ZNF714: variants seen among roughly 807,000 people sequenced by gnomAD.
ZNF714 encodes zinc finger protein 714.
In ZNF714, 32 loss-of-function variants were observed where a neutral mutation model predicts 46.2. The ratio of observed to expected loss-of-function variants is 0.69; its 90% CI spans 0.52 to 0.93. The LOEUF is 0.93. Among genes scored for constraint, ZNF714 ranks in the 40% least tolerant of loss-of-function variants. The pLI, the probability that ZNF714 is intolerant of heterozygous loss-of-function variation, is 0.00. For synonymous variants in ZNF714, 199 were observed against 213.1 expected, an observed-to-expected ratio of 0.93 and a Z score of 0.58; for missense variants, 635 against 646.3, an observed-to-expected ratio of 0.98 and a Z score of 0.19.
rs1789834402 is a variant in ZNF714 at position 21,101,538 on chromosome 19, T to C, written c.142+2628T>C. Among the ~76,000 whole-genome samples the C allele has an allele frequency of 2.0e-5, 3 of 152,198 alleles. No individual in the cohort carries two copies. The South Asian group carries it at 6.2e-4, about 31-fold the overall frequency. ...CCTTATATCAGGATGTGAATGGGTT[T>C]GCCTTTCACTGAGTACCAGAGAGGA... On this transcript the variant is annotated intron_variant, in intron 4 of 4. Transcript: ENST00000456283.
At chr19:21,102,775 C>A (rs542744157) in intron 4 of ZNF714, among the ~76,000 whole-genome samples, 1 of 152,012 alleles carries the variant, frequency 6.6e-6, no homozygotes, top group Admixed American at 6.6e-5. Flanking sequence ...ATGTTGCATA[C>A]CAGATTTTAT....
Position 21,117,417 on chromosome 19 carries a change from T to A in ZNF714, c.753T>A (p.His251Gln), listed in dbSNP as rs770092420. ...ACCTTACTACACATAAGGTAATTCA[T>A]ACTGGAGAGAAGCCCTTCAAATGTG... ...SSHLTTHKVI[H>Q]TGEKPFKCEE... Residue 251 changes from histidine (H) to glutamine (Q), a missense_variant, in exon 5 of 5, where the codon CAT becomes CAA. By Grantham distance (24) the His-to-Gln change is conservative. Transcript: ENST00000456283. The A allele has an allele frequency of 2.5e-6, 4 of 1,613,264 alleles. No individual in the cohort carries two copies. The highest frequency in any genetic ancestry group is 1.3e-5 in the African/African-American group (1 of 74,976).
In ZNF714 at chr19:21,098,797, T is replaced by A. The variant is rs751496890; in HGVS notation, c.44-15T>A. 1.9e-6 allele frequency: 3 copies of A among 1,587,246 alleles called. No homozygotes were observed. The highest frequency in any genetic ancestry group is 3.5e-5 in the Admixed American group (2 of 57,704). On this transcript the variant is annotated splice_polypyrimidine_tract_variant and intron_variant, in intron 3 of 4. Coordinates refer to ENST00000456283, the MANE Select transcript of ZNF714 (RefSeq NM_182515.4). ...AGAATATAAGCAAGATTTATGCTAT[T>A]TACTTTTAATAAAGCAGGTATTGCT...
At chr19:21,098,009 C>T (rs1969084400) in intron 2 of ZNF714, among the ~76,000 whole-genome samples, 176 bp from the exon 3 acceptor site, 1 of 152,084 alleles carries the variant, frequency 6.6e-6, no homozygotes, top group Non-Finnish European at 1.5e-5. Flanking sequence ...CCATTCTCTG[C>T]CCTCAGAGTA....
intron 4 of ZNF714, among the ~76,000 whole-genome samples, chr19:21,105,690 C>G (rs1187762993): frequency 6.6e-6 from 1 of 151,646 alleles, no homozygotes; most frequent in Non-Finnish European, 1.5e-5. Context: ...CGCAGTGGCT[C>G]ATGCCTATAA....
At position 21,084,020 on chromosome 19, in the gene ZNF714, G is replaced by T; in HGVS notation, c.-134G>T. ...AGTGTATCCTCTCAAGGGAGCAAGT[G>T]GATCCCTGGGGCAGAGAGGAAGCTT... On this transcript the variant is annotated 5_prime_UTR_variant, in exon 2 of 5. An upstream open reading frame in the 5' UTR gains an earlier in-frame stop. Coordinates refer to ENST00000456283, the MANE Select transcript of ZNF714 (RefSeq NM_182515.4). 4 of 1,254,724 alleles carry T rather than the reference G, an allele frequency of 3.2e-6. No individual in the cohort carries two copies. The highest frequency in any genetic ancestry group is 3.1e-6 in the Non-Finnish European group (3 of 975,878). The allele number at this position is 1,254,724 out of a possible 1,614,324, so 77.7% of individuals were successfully genotyped here.
chr19:21,118,681 G>T lies in ZNF714; in HGVS notation c.*349G>T. The T allele has an allele frequency of 4.8e-6, 1 of 208,926 alleles. No individual in the cohort carries two copies. The allele number at this position is 208,926 out of a possible 1,614,324, so 12.9% of individuals were successfully genotyped here. The stretch of plus-strand genomic sequence containing the variant: ...GAAACCCTACGAGGGTGAAAAACAT[G>T]GCAAAGCCTTTAACAAGCCCTCAAT... On this transcript the variant is annotated 3_prime_UTR_variant, in exon 5 of 5. Coordinates refer to ENST00000456283, the MANE Select transcript of ZNF714 (RefSeq NM_182515.4).
rs370765701 is a variant in ZNF714, at chr19:21,116,950, A to C, written c.286A>C (p.Lys96Gln). Residue 96 changes from lysine (K) to glutamine (Q), a missense_variant, in exon 5 of 5, where the codon AAG becomes CAG. By Grantham distance (53) the Lys-to-Gln change is moderately conservative. Coordinates refer to ENST00000456283, the MANE Select transcript of ZNF714 (RefSeq NM_182515.4). The stretch of plus-strand genomic sequence containing the variant: ...AGGCTCCGCAAATGTGGTTGAGTGT[A>C]AGGTGTACAAAAAAGGTTATAATGA... Reference protein sequence around the residue: ...RKGSANVVECKVYKKGYNELN... With the variant: ...RKGSANVVECQVYKKGYNELN... 2 of 1,610,944 alleles carry C rather than the reference A, an allele frequency of 1.2e-6. No homozygotes were observed. Among genetic ancestry groups the C allele is most frequent in the Non-Finnish European group, 1.7e-6 (2 of 1,179,626 alleles).
At chr19:21,083,219 A>G (rs897816238) in intron 1 of ZNF714, among the ~76,000 whole-genome samples, 2 of 152,068 alleles carry the variant, frequency 1.3e-5, no homozygotes, top group African/African-American at 4.8e-5. Context: ...TGGTTTTAGT[A>G]GAGACGGGTT....
intron 2 of ZNF714, among the ~76,000 whole-genome samples, chr19:21,095,217 C>T (rs866157330): frequency 1.3e-5 from 2 of 152,174 alleles, no homozygotes; most frequent in African/African-American, 4.8e-5. Context: ...ATAATGTCCT[C>T]TGGAATGTGT....
chr19:21,112,470 C>T (rs1167458999), intron 4 of ZNF714, among the ~76,000 whole-genome samples: 1 of 151,044 alleles, frequency 6.6e-6, no homozygotes, highest in Non-Finnish European at 1.5e-5. Flanking sequence ...CTATTTCATT[C>T]ATCTCTCTTT....
chr19:21,113,897 G>C (rs1229678662), intron 4 of ZNF714, among the ~76,000 whole-genome samples: 1 of 152,064 alleles, frequency 6.6e-6, no homozygotes, highest in African/African-American at 2.4e-5. Flanking sequence ...GTAGATATCT[G>C]TCAGGTCCAC....
intron 1 of ZNF714, among the ~76,000 whole-genome samples, chr19:21,083,140 C>T (rs1299315235): frequency 1.3e-5 from 2 of 151,884 alleles, no homozygotes; most frequent in Non-Finnish European, 2.9e-5. Context: ...CGGGTTCAAG[C>T]GATCCAATGC....
In ZNF714 at chr19:21,106,302, G is replaced by A. The variant is rs1969311524; in HGVS notation, c.142+7392G>A. ...AAATAAAATCGGGCCGGGCACGGTG[G>A]CTCACGCTTGTAATCCCAGCACTTT... is the stretch of plus-strand genomic sequence containing the variant. On this transcript the variant is annotated intron_variant, in intron 4 of 4. Coordinates refer to ENST00000456283, the MANE Select transcript of ZNF714 (RefSeq NM_182515.4). Among the ~76,000 whole-genome samples the A allele has an allele frequency of 2.6e-5, 4 of 151,754 alleles. No homozygotes were observed. In the South Asian group the frequency reaches 8.3e-4, roughly 32 times the overall value.
In ZNF714 at chr19:21,117,500, A is replaced by C. The variant is rs1296861258; in HGVS notation, c.836A>C (p.His279Pro). The change falls in exon 5 of 5, where the codon CAT (histidine) becomes CCT (proline). Residue 279 changes from histidine (H) to proline (P), a missense_variant. Transcript: ENST00000456283. ...PSALTTHKFI[H>P]VKEKPYKCEE... Reference sequence around the variant, plus strand: ...GCCCTTACTACACATAAGTTCATTCATGTTAAAGAAAAACCCTACAAATGT... The same window carrying C: ...GCCCTTACTACACATAAGTTCATTCCTGTTAAAGAAAAACCCTACAAATGT... 6.2e-7 allele frequency: 1 copy of C among 1,609,030 alleles called. No homozygotes were observed. Among genetic ancestry groups the C allele is most frequent in the Admixed American group, 1.7e-5 (1 of 58,832 alleles).
In ZNF714 at chr19:21,111,498, A is replaced by G. The variant is rs548173076; in HGVS notation, c.143-5309A>G. Among the ~76,000 whole-genome samples, 19 of 152,242 alleles carry G rather than the reference A, an allele frequency of 1.2e-4. No individual in the cohort carries two copies. In the South Asian group the frequency reaches 2.9e-3, roughly 23 times the overall value. On this transcript the variant is annotated intron_variant, in intron 4 of 4. Coordinates refer to ENST00000456283, the MANE Select transcript of ZNF714 (RefSeq NM_182515.4). ...GACAATGGGGCTTTCTAGATCTAGG[A>G]TCATGCTGTCTGCAAACATGTCGTC...
intron 3 of ZNF714, 57 bp from the exon 4 acceptor site, chr19:21,098,755 A>G: frequency 1.7e-6 from 2 of 1,197,746 alleles, no homozygotes; most frequent in Non-Finnish European, 2.4e-6. Flanking sequence ...TGAGCACAGT[A>G]CTAGGTTGGT....
intron 4 of ZNF714, among the ~76,000 whole-genome samples, chr19:21,116,332 A>G (rs762117201): frequency 2.0e-5 from 3 of 152,176 alleles, no homozygotes; most frequent in Non-Finnish European, 2.9e-5. Context: ...GACCCAAACT[A>G]TAACTCCAAA....
Position 21,122,460 on chromosome 19 carries a change from A to C in ZNF714, c.*4128A>C, listed in dbSNP as rs577854004. On this transcript the variant is annotated 3_prime_UTR_variant, in exon 5 of 5. Transcript: ENST00000456283. Reference sequence around the variant, plus strand: ...CGGTCTCTACTAATAAACTACAAAAATTAGCTGATTGTGGTGGCATCCACC... The same window carrying C: ...CGGTCTCTACTAATAAACTACAAAACTTAGCTGATTGTGGTGGCATCCACC... 1 of 152,288 alleles carries C rather than the reference A, an allele frequency of 6.6e-6. No homozygotes were observed. The highest frequency in any genetic ancestry group is 2.4e-5 in the African/African-American group (1 of 41,572). 9.4% of individuals were successfully genotyped at this position (152,288 alleles called of 1,614,324 possible).
Sources: gnomAD v4.1 joint callset for allele counts (sites outside exome capture counted in the v4.1 genomes callset) on GRCh38, gnomAD v4.1.1 for gene constraint, MANE v1.5 for transcripts, NCBI Gene and HGNC (gene_info 2026-07-23, HGNC 2026-07-21) for gene names.